The following NASP variants were observed in gnomAD, a reference collection of about 807,000 sequenced individuals.
The protein encoded by NASP is NASP histone chaperone.
Under a neutral mutation model 89.5 loss-of-function variants are expected in NASP, and 24 were observed. The observed-to-expected ratio is 0.27, with a 90% confidence interval of 0.19 to 0.38. The LOEUF (loss-of-function observed/expected upper bound fraction) is 0.38, where lower values mean the gene tolerates loss of function less well. NASP is among the 10% of genes least tolerant of loss of function. The pLI is 1.00. For missense variants in NASP, 848 were observed against 921.4 expected (o/e 0.92, Z 1.03); for synonymous variants, 306 against 324.7 (o/e 0.94, Z 0.62).
chr1:45,596,991 G>GA (rs550059334), intron 2 of NASP, among the ~76,000 whole-genome samples: 10 of 149,194 alleles, frequency 6.7e-5, no homozygotes, highest in African/African-American at 7.5e-5. Context: ...TCAAAAAAAA[G>GA]AAAAAAAAGA....
chr1:45,616,766 C>A (rs1266951397), intron 13 of NASP, 63 bp downstream of exon 13: 6 of 1,432,372 alleles, frequency 4.2e-6, no homozygotes, highest in Non-Finnish European at 4.9e-6. Context: ...AATCCCTTTC[C>A]TATAAACCCC....
chr1:45,587,709 G>A (rs1373436405), intron 1 of NASP, among the ~76,000 whole-genome samples: 18 of 57,564 alleles, frequency 3.1e-4, no homozygotes, highest in Middle Eastern at 0.012. Flanking sequence ...TGGAGAGAGA[G>A]TCTTGTTGTC....
At position 45,607,827 on chromosome 1, in the gene NASP, C is replaced by A; in HGVS notation, c.916C>A (p.Pro306Thr). 1 of 1,614,022 alleles carries A rather than the reference C, an allele frequency of 6.2e-7. No homozygotes were observed. The highest frequency in any genetic ancestry group is 8.5e-7 in the Non-Finnish European group (1 of 1,180,004). The stretch of plus-strand genomic sequence containing the variant: ...AGAGTCTTTAGACCCGACAGTCAAG[C>A]CAGTGGATGTGGGTGGGGACGAGCC... ...EAESLDPTVK[P>T]VDVGGDEPEE... Residue 306 changes from proline to threonine, a missense_variant, in exon 6 of 15, where the codon CCA becomes ACA. Coordinates refer to ENST00000350030, the MANE Select transcript of NASP (RefSeq NM_002482.4).
intron 3 of NASP, 33 bp downstream of exon 3, chr1:45,602,398 T>G (rs756772500): frequency 1.6e-5 from 26 of 1,586,524 alleles, no homozygotes; most frequent in Non-Finnish European, 2.1e-5. Context: ...TGATGTAATA[T>G]TATGTTCTAA....
At chr1:45,614,948 G>A (rs1644077750) in intron 9 of NASP, 65 bp from the exon 10 acceptor site, 1 of 1,418,116 alleles carries the variant, frequency 7.1e-7, no homozygotes, top group Non-Finnish European at 9.7e-7. Context: ...GGATGGGTCT[G>A]AATTCTGGAA....
At chr1:45,609,777 G>A (rs920856326) in intron 6 of NASP, 1 of 152,186 alleles carries the variant, frequency 6.6e-6, no homozygotes. Flanking sequence ...GAGGTTTAAA[G>A]GTTACATGAC....
intron 6 of NASP, chr1:45,610,881 A>G (rs969081448): frequency 2.6e-5 from 4 of 152,152 alleles, no homozygotes; most frequent in Admixed American, 6.5e-5. Flanking sequence ...AGGCCCGACT[A>G]ATTTTTTTGT....
chr1:45,617,703 G>T, intron 14 of NASP, 112 bp downstream of exon 14: 3 of 1,271,528 alleles, frequency 2.4e-6, no homozygotes, highest in Non-Finnish European at 3.2e-6. Context: ...AACGATTGTT[G>T]AGTGCAGTCC....
At chr1:45,591,870 G>C (rs915518645) in intron 2 of NASP, among the ~76,000 whole-genome samples, 1 of 152,108 alleles carries the variant, frequency 6.6e-6, no homozygotes, top group African/African-American at 2.4e-5. Context: ...GCCCAAGCTG[G>C]AGTTCAGTGA....
At chr1:45,606,007 C>T (rs56020747) in intron 4 of NASP, among the ~76,000 whole-genome samples, 27,984 of 152,004 alleles carry the variant, frequency 0.18, 2,960 homozygotes, top group Non-Finnish European at 0.24. Context: ...AACTCCTGAC[C>T]TCAGGTGATC....
At chr1:45,588,580 C>A in intron 1 of NASP, 1 of 446,728 alleles carries the variant, frequency 2.2e-6, no homozygotes, top group African/African-American at 2.0e-5. Context: ...ACAATTTCTC[C>A]TTAACCCTAT....
At position 45,615,214 on chromosome 1, in the gene NASP, G is replaced by A. The variant is rs777513212; in HGVS notation, c.1855+13G>A. ...GAGAACAGAATGGGTGAGTGAAGAC[G>A]AGCTGCTTCATGGTGATGTTGGATC... On this transcript the variant is annotated intron_variant, in intron 10 of 14. Coordinates refer to ENST00000350030, the MANE Select transcript of NASP (RefSeq NM_002482.4). The A allele has an allele frequency of 2.5e-6, 4 of 1,613,420 alleles. No homozygotes were observed. The highest frequency in any genetic ancestry group is 2.2e-5 in the East Asian group (1 of 44,874).
chr1:45,607,267 CT>C (rs1557660620), intron 5 of NASP, 53 bp from the exon 6 acceptor site: 1 of 1,561,996 alleles, frequency 6.4e-7, no homozygotes, highest in Non-Finnish European at 8.7e-7. Context: ...CCATTTATGC[CT>C]TTATCATTAA....
At position 45,595,315 on chromosome 1, in the gene NASP, A is replaced by G. The variant is rs368563219; in HGVS notation, c.107+4045A>G. Among the ~76,000 whole-genome samples, 6 of 152,196 alleles carry G rather than the reference A, an allele frequency of 3.9e-5. No homozygotes were observed. In the South Asian group the frequency reaches 1.0e-3, roughly 26 times the overall value. The stretch of plus-strand genomic sequence containing the variant: ...ATGAGCCACTGCACCCAGCTGATCA[A>G]CTTTTTCTTTATATATTCTTAAACA... On this transcript the variant is annotated intron_variant, in intron 2 of 14. Coordinates refer to ENST00000350030, the MANE Select transcript of NASP (RefSeq NM_002482.4).
In NASP at chr1:45,586,239, C is replaced by CGTGTGTGTGTGT. The variant is rs537983711; in HGVS notation, c.59+2068_59+2079dup. Among the ~76,000 whole-genome samples, 195 of 110,258 alleles carry CGTGTGTGTGTGT rather than the reference C, an allele frequency of 1.8e-3. 2 individuals carry two copies. Among genetic ancestry groups the CGTGTGTGTGTGT allele is most frequent in the African/African-American group, 1.9e-3 (49 of 25,680 alleles). 72.3% of individuals were successfully genotyped at this position (110,258 alleles called of 152,430 possible). On this transcript the variant is annotated intron_variant, in intron 1 of 14. Transcript: ENST00000350030. ...CGGCCCCCTGCAGCCCCTACCGTGCCGTGTGTGTGTGTGTGTGTGTGTGTG... is the reference window on the plus strand; with the variant it reads ...CGGCCCCCTGCAGCCCCTACCGTGCCGTGTGTGTGTGTGTGTGTGTGTGTGTGTGTGTGTGTG...
intron 9 of NASP, 82 bp from the exon 10 acceptor site, chr1:45,614,931 T>TC: frequency 8.5e-7 from 1 of 1,169,774 alleles, no homozygotes; most frequent in Non-Finnish European, 1.2e-6. Flanking sequence ...ATGGGTGCAT[T>TC]CCCATAGGAT....
chr1:45,604,691 C>G (rs1428981327), intron 3 of NASP, among the ~76,000 whole-genome samples: 1 of 152,090 alleles, frequency 6.6e-6, no homozygotes, highest in East Asian at 1.9e-4. Context: ...CTGTTTGGCC[C>G]TACATTATGT....
At chr1:45,607,214 T>TG in intron 5 of NASP, 107 bp from the exon 6 acceptor site, 1 of 1,182,836 alleles carries the variant, frequency 8.5e-7, no homozygotes, top group Non-Finnish European at 1.2e-6. Context: ...TGCTGAAACT[T>TG]GGTAGGCTTT....
chr1:45,603,401 G>A (rs746589968), intron 3 of NASP, among the ~76,000 whole-genome samples: 2 of 152,132 alleles, frequency 1.3e-5, no homozygotes, highest in Admixed American at 6.6e-5. Flanking sequence ...ATAACAAAGC[G>A]TTTGTGGGTT....
Sources: allele counts gnomAD v4.1 joint callset (sites outside exome capture counted in the v4.1 genomes callset), GRCh38; gene constraint gnomAD v4.1.1; transcripts MANE v1.5; gene names NCBI Gene and HGNC (gene_info 2026-07-23, HGNC 2026-07-21).